The following CPPED1 variants were observed in gnomAD, a reference collection of about 807,000 sequenced individuals.
The protein encoded by CPPED1 is calcineurin like phosphoesterase domain containing 1.
Under a neutral mutation model 28.0 loss-of-function variants are expected in CPPED1, and 28 were observed. That is an observed-to-expected ratio of 1.00 (90% CI 0.74 to 1.37). The LOEUF is 1.37. Among genes scored for constraint, CPPED1 ranks in the 40% most tolerant of loss-of-function variants. The probability of loss-of-function intolerance (pLI) is 0.00; values close to 1 mark genes in which losing one functional copy is unlikely to be tolerated. For synonymous variants in CPPED1, 198 were observed against 180.2 expected (o/e 1.10, Z -0.79); for missense variants, 504 against 416.5 (o/e 1.21, Z -1.83).
intron 2 of CPPED1, among the ~76,000 whole-genome samples, chr16:12,754,119 A>C (rs571828382): frequency 9.8e-5 from 15 of 152,338 alleles, no homozygotes; most frequent in African/African-American, 3.4e-4. Context: ...AGAGACGCTT[A>C]GTCCCTAAAC....
intron 3 of CPPED1, among the ~76,000 whole-genome samples, chr16:12,701,301 G>A (rs887542937): frequency 1.3e-5 from 2 of 151,850 alleles, no homozygotes; most frequent in Non-Finnish European, 2.9e-5. Flanking sequence ...AGGCTGAGGC[G>A]GGCAGATCAC....
intron 3 of CPPED1, among the ~76,000 whole-genome samples, chr16:12,687,777 T>C (rs1193144352): frequency 6.6e-6 from 1 of 152,128 alleles, no homozygotes; most frequent in Non-Finnish European, 1.5e-5. Flanking sequence ...ATTAATCACA[T>C]AAAAAAGCTT....
At chr16:12,770,177 T>C (rs12925798) in intron 2 of CPPED1, among the ~76,000 whole-genome samples, 32,746 of 152,150 alleles carry the variant, frequency 0.22, 4,118 homozygotes, top group East Asian at 0.3. Flanking sequence ...TCCCTGTCCC[T>C]GAGAGATGTT....
At chr16:12,698,348 G>C (rs957755157) in intron 3 of CPPED1, among the ~76,000 whole-genome samples, 21 of 152,240 alleles carry the variant, frequency 1.4e-4, no homozygotes, top group African/African-American at 4.6e-4. Context: ...ACAGCGCAAA[G>C]GATGTCAGAG....
At chr16:12,730,785 C>T (rs996966846) in intron 2 of CPPED1, among the ~76,000 whole-genome samples, 5 of 152,174 alleles carry the variant, frequency 3.3e-5, no homozygotes, top group Admixed American at 2.6e-4. Context: ...ACAGAGAAGG[C>T]GCACGAGGGA....
intron 2 of CPPED1, among the ~76,000 whole-genome samples, chr16:12,771,485 C>T (rs934161993): frequency 3.3e-5 from 5 of 152,220 alleles, no homozygotes; most frequent in African/African-American, 1.2e-4. Context: ...GACACACACA[C>T]CCCCACTGCC....
At chr16:12,725,150 G>C (rs1409809609) in intron 2 of CPPED1, among the ~76,000 whole-genome samples, 1 of 151,954 alleles carries the variant, frequency 6.6e-6, no homozygotes, top group African/African-American at 2.4e-5. Flanking sequence ...AGAGTGCAGT[G>C]TGGTGTGATC....
intron 2 of CPPED1, among the ~76,000 whole-genome samples, chr16:12,774,441 C>G (rs2080486235): frequency 6.6e-6 from 1 of 151,676 alleles, no homozygotes; most frequent in Admixed American, 6.6e-5. Context: ...GCACTCCAGC[C>G]TGGGGGACAG....
intron 1 of CPPED1, among the ~76,000 whole-genome samples, chr16:12,782,848 G>A (rs924982924): frequency 2.0e-5 from 3 of 152,036 alleles, no homozygotes. Flanking sequence ...TCCAGCCTGG[G>A]TGACAGAATG....
chr16:12,680,033 T>A (rs1457492616), intron 3 of CPPED1, among the ~76,000 whole-genome samples: 1 of 152,274 alleles, frequency 6.6e-6, no homozygotes, highest in East Asian at 1.9e-4. Context: ...GGAGACTTTA[T>A]CTACATAATA....
At chr16:12,788,646 T>C (rs902601806) in intron 1 of CPPED1, among the ~76,000 whole-genome samples, 6 of 152,136 alleles carry the variant, frequency 3.9e-5, no homozygotes, top group Admixed American at 3.3e-4. Flanking sequence ...ACCCAGCAAC[T>C]TCTACCCAAG....
chr16:12,669,840 CT>C (rs1166495844), intron 3 of CPPED1, among the ~76,000 whole-genome samples: 1 of 152,182 alleles, frequency 6.6e-6, no homozygotes, highest in Non-Finnish European at 1.5e-5. Flanking sequence ...CCTGGAACAT[CT>C]TGTGTTGCCA....
Position 12,796,244 on chromosome 16 carries a change from A to C in CPPED1, c.70+7463T>G, listed in dbSNP as rs531306447. Among the ~76,000 whole-genome samples the C allele has an allele frequency of 4.6e-5, 7 of 152,240 alleles. No homozygotes were observed. The East Asian group carries it at 1.4e-3, about 29-fold the overall frequency. ...CACTGTGGCTCATGCCTGTAATCCC[A>C]GCACTTTGGGAGGCTGAGGCAAGTG... On this transcript the variant is annotated intron_variant, in intron 1 of 3. Coordinates refer to ENST00000381774, the MANE Select transcript of CPPED1 (RefSeq NM_018340.3).
intron 2 of CPPED1, among the ~76,000 whole-genome samples, chr16:12,729,318 C>T (rs2080185678): frequency 6.6e-6 from 1 of 152,050 alleles, no homozygotes; most frequent in South Asian, 2.1e-4. Context: ...AATTTGGGGA[C>T]ATTACAAGGT....
chr16:12,684,941 T>C (rs954857781), intron 3 of CPPED1, among the ~76,000 whole-genome samples: 1 of 152,188 alleles, frequency 6.6e-6, no homozygotes, highest in African/African-American at 2.4e-5. Flanking sequence ...TCCCCTTCGT[T>C]GATATTATCA....
chr16:12,708,223 C>T (rs2080061950), intron 2 of CPPED1, among the ~76,000 whole-genome samples: 1 of 152,110 alleles, frequency 6.6e-6, no homozygotes, highest in East Asian at 1.9e-4. Flanking sequence ...CCAACACTTT[C>T]TATACCTCTT....
intron 3 of CPPED1, among the ~76,000 whole-genome samples, chr16:12,671,355 G>T (rs1425304453): frequency 1.3e-5 from 2 of 152,034 alleles, no homozygotes; most frequent in Admixed American, 6.6e-5. Context: ...CCACACTGGG[G>T]AACAGGAAGG....
In CPPED1 at chr16:12,668,109, T is replaced by C. The variant is rs138201695; in HGVS notation, c.716-2994A>G. On this transcript the variant is annotated intron_variant, in intron 3 of 3. Transcript: ENST00000381774. ...AACTATGAACCTCAAATTTTATTCCTAGCTAAACTATCATTTAAGTTTGAG... is the reference window on the plus strand; with the variant it reads ...AACTATGAACCTCAAATTTTATTCCCAGCTAAACTATCATTTAAGTTTGAG... Among the ~76,000 whole-genome samples the C allele has an allele frequency of 1.9e-3, 285 of 152,298 alleles. 2 individuals are homozygous for C. Among genetic ancestry groups the C allele is most frequent in the African/African-American group, 6.8e-3 (281 of 41,556 alleles).
chr16:12,782,546 GTT>G lies in CPPED1; in HGVS notation c.71-1145_71-1144del, dbSNP rs35357238. On this transcript the variant is annotated intron_variant, in intron 1 of 3. Transcript: ENST00000381774. ...AGAGCTGCTCCATCACCTTGAGGCT[GTT>G]TTTTTTTTTTTTTTCATAATTTAAT... is the stretch of plus-strand genomic sequence containing the variant. 2.9e-3 allele frequency among the ~76,000 whole-genome samples: 396 copies of G among 138,778 alleles called. 8 individuals carry two copies. The highest frequency in any genetic ancestry group is 4.5e-3 in the Admixed American group (62 of 13,808). The allele number at this position is 138,778 out of a possible 152,430, so 91.0% of individuals were successfully genotyped here.
Sources: gnomAD v4.1 joint callset for allele counts (sites outside exome capture counted in the v4.1 genomes callset) on GRCh38, gnomAD v4.1.1 for gene constraint, MANE v1.5 for transcripts, NCBI Gene and HGNC (gene_info 2026-07-23, HGNC 2026-07-21) for gene names.